Variants in N4BP2 observed in about 807,000 individuals in gnomAD.
N4BP2 encodes NEDD4 binding protein 2.
N4BP2 carries 91 observed loss-of-function variants against 152.8 expected under a neutral mutation model. The observed-to-expected ratio is 0.60, with a 90% CI of 0.50 to 0.71. The LOEUF (loss-of-function observed/expected upper bound fraction) is 0.71, where lower values mean the gene tolerates loss of function less well. Among genes scored for constraint, N4BP2 ranks in the 30% least tolerant of loss-of-function variants. The pLI is 0.00. For synonymous variants in N4BP2, 646 were observed against 705.3 expected (o/e 0.92, Z 1.33); for missense variants, 1,923 against 2,059.1 (o/e 0.93, Z 1.28).
At chr4:40,125,719 TC>T (rs1384664966) in intron 11 of N4BP2, among the ~76,000 whole-genome samples, 4 of 152,064 alleles carry the variant, frequency 2.6e-5, no homozygotes, top group African/African-American at 7.2e-5. Flanking sequence ...AACCCCCGTC[TC>T]TACTAAAAAT....
chr4:40,178,816 T>A, the N4BP2 span, among the ~76,000 whole-genome samples: 1 of 152,226 alleles, frequency 6.6e-6, no homozygotes, highest in Non-Finnish European at 1.5e-5. Flanking sequence ...GTGCAGCTGC[T>A]GTCGGAGAGC....
chr4:40,102,938 C>G lies in N4BP2; in HGVS notation c.1093C>G (p.Pro365Ala), dbSNP rs773256332. Residue 365 changes from proline to alanine, a missense_variant, in exon 4 of 18, where the codon CCA (proline) becomes GCA (alanine). Physicochemically the swap from Pro to Ala is conservative, Grantham distance 27. Coordinates refer to ENST00000261435, the MANE Select transcript of N4BP2 (RefSeq NM_018177.6). ...TCCGCCACCTCCACCGATGTGGAATCCAATGATTCCTGCTTTTGACCTCTT... is the reference window on the plus strand; with the variant it reads ...TCCGCCACCTCCACCGATGTGGAATGCAATGATTCCTGCTTTTGACCTCTT... ...PPPPPPPMWN[P>A]MIPAFDLFQG... The G allele has an allele frequency of 1.2e-6, 2 of 1,614,224 alleles. No individual in the cohort carries two copies. The highest frequency in any genetic ancestry group is 3.3e-5 in the Admixed American group (2 of 60,022).
At chr4:40,158,304 T>C (rs1721756124), downstream of N4BP2, 1 of 152,190 alleles carries the variant, frequency 6.6e-6, no homozygotes. Context: ...GTGGGTTAAA[T>C]ATTTTAAAAT....
the N4BP2 span, among the ~76,000 whole-genome samples, chr4:40,168,278 CAG>C: frequency 5.2e-4 from 79 of 152,192 alleles, no homozygotes; most frequent in African/African-American, 1.8e-3. Flanking sequence ...TATCAACAGA[CAG>C]AGACTATCAG....
At chr4:40,079,178 T>C (rs1257845713) in intron 2 of N4BP2, among the ~76,000 whole-genome samples, 1 of 152,152 alleles carries the variant, frequency 6.6e-6, no homozygotes, top group East Asian at 1.9e-4. Flanking sequence ...TGCCTCGGCC[T>C]CCCAAAGTGC....
chr4:40,107,033 A>G lies in N4BP2; in HGVS notation c.1498+9A>G, dbSNP rs1483068105. The G allele has an allele frequency of 1.1e-5, 17 of 1,610,550 alleles. No homozygotes were observed. The highest frequency in any genetic ancestry group is 2.7e-5 in the African/African-American group (2 of 74,802). On this transcript the variant is annotated intron_variant, in intron 5 of 17. Transcript: ENST00000261435. ...ATGGAACCAGAATCGTGGTAAGAAC[A>G]GATAATCAGATTCTGGGTAACGTTA...
At chr4:40,084,878 G>T (rs962996926) in intron 2 of N4BP2, among the ~76,000 whole-genome samples, 7 of 149,800 alleles carry the variant, frequency 4.7e-5, no homozygotes, top group Admixed American at 4.7e-4. Context: ...GCCTCCCAAA[G>T]TGCTGGGGTT....
chr4:40,180,078 C>A, the N4BP2 span, among the ~76,000 whole-genome samples: 2 of 151,962 alleles, frequency 1.3e-5, no homozygotes, highest in African/African-American at 4.8e-5. Context: ...GTGGTAAAAT[C>A]TTTCTAAGCA....
chr4:40,102,063 G>A lies in N4BP2; in HGVS notation c.230-12G>A. On this transcript the variant is annotated splice_polypyrimidine_tract_variant and intron_variant, in intron 3 of 17. Coordinates refer to ENST00000261435, the MANE Select transcript of N4BP2 (RefSeq NM_018177.6). ...TATTTTTGTTGTTGTTATTATTCTTGTTGTTGTACAGTTGAAAATGCTATG... is the reference window on the plus strand; with the variant it reads ...TATTTTTGTTGTTGTTATTATTCTTATTGTTGTACAGTTGAAAATGCTATG... 6.7e-7 allele frequency: 1 copy of A among 1,490,798 alleles called. No homozygotes were observed. The highest frequency in any genetic ancestry group is 9.0e-7 in the Non-Finnish European group (1 of 1,105,980). 92.3% of individuals were successfully genotyped at this position (1,490,798 alleles called of 1,614,324 possible).
intron 4 of N4BP2, among the ~76,000 whole-genome samples, chr4:40,104,753 G>T (rs1360081142): frequency 6.6e-6 from 1 of 151,596 alleles, no homozygotes; most frequent in Non-Finnish European, 1.5e-5. Flanking sequence ...AATATTTTTT[G>T]AATGAAGAGA....
chr4:40,153,464 C>T (rs966892837), intron 17 of N4BP2, among the ~76,000 whole-genome samples: 8 of 152,038 alleles, frequency 5.3e-5, no homozygotes, highest in African/African-American at 1.9e-4. Context: ...CCATTAATGA[C>T]CTGTGTTGAC....
the N4BP2 span, among the ~76,000 whole-genome samples, chr4:40,172,483 G>A: frequency 6.6e-6 from 1 of 152,130 alleles, no homozygotes; most frequent in South Asian, 2.1e-4. Flanking sequence ...AATCCAATGT[G>A]ACTGGTGTCC....
intron 3 of N4BP2, among the ~76,000 whole-genome samples, chr4:40,098,577 G>A (rs1311824892): frequency 6.6e-6 from 1 of 152,134 alleles, no homozygotes; most frequent in African/African-American, 2.4e-5. Flanking sequence ...TTGGTAATGT[G>A]TTATAAACTT....
At chr4:40,082,329 C>T (rs1713468511) in intron 2 of N4BP2, among the ~76,000 whole-genome samples, 1 of 150,400 alleles carries the variant, frequency 6.6e-6, no homozygotes, top group South Asian at 2.1e-4. Flanking sequence ...AAATGGCTGT[C>T]TAAATTTCCA....
chr4:40,124,142 C>G lies in N4BP2; in HGVS notation c.4285-18C>G, dbSNP rs748432614. 1 of 1,603,328 alleles carries G rather than the reference C, an allele frequency of 6.2e-7. No individual in the cohort carries two copies. The highest frequency in any genetic ancestry group is 8.5e-7 in the Non-Finnish European group (1 of 1,172,370). ...GCACTCCCTGTTTGCCAATCTCTTG[C>G]CTGGCTTTTGTGTTTAGGAGCGACA... On this transcript the variant is annotated intron_variant, in intron 10 of 17. Coordinates refer to ENST00000261435, the MANE Select transcript of N4BP2 (RefSeq NM_018177.6).
chr4:40,118,372 C>T (rs185370063), intron 8 of N4BP2, among the ~76,000 whole-genome samples: 685 of 152,202 alleles, frequency 4.5e-3, no homozygotes, highest in Non-Finnish European at 7.5e-3. Flanking sequence ...GCTGAGGTTG[C>T]GGTGAGCCGA....
the N4BP2 span, among the ~76,000 whole-genome samples, chr4:40,172,910 T>C: frequency 6.6e-6 from 1 of 152,152 alleles, no homozygotes; most frequent in Admixed American, 6.5e-5. Flanking sequence ...AAAGGAATGG[T>C]TACATTGAAT....
chr4:40,106,806 C>G, intron 4 of N4BP2, 94 bp from the exon 5 acceptor site: 1 of 1,230,786 alleles, frequency 8.1e-7, no homozygotes, highest in Non-Finnish European at 1.1e-6. Context: ...AATGATAGTA[C>G]TTGAATAATT....
intron 1 of N4BP2, among the ~76,000 whole-genome samples, chr4:40,070,520 C>A (rs1423928172): frequency 1.3e-5 from 2 of 152,070 alleles, no homozygotes; most frequent in Non-Finnish European, 2.9e-5. Context: ...ACATTCATGG[C>A]TTACTGCAGC....
Sources: allele counts gnomAD v4.1 joint callset (sites outside exome capture counted in the v4.1 genomes callset), GRCh38; gene constraint gnomAD v4.1.1; transcripts MANE v1.5; gene names NCBI Gene and HGNC (gene_info 2026-07-23, HGNC 2026-07-21).